PHYH: variants seen among roughly 807,000 people sequenced by gnomAD.
PHYH encodes the protein phytanoyl-CoA 2-hydroxylase.
PHYH carries 32 observed loss-of-function variants against 38.5 expected under a neutral mutation model. The ratio of observed to expected loss-of-function variants is 0.83; its 90% CI spans 0.63 to 1.12. The LOEUF (loss-of-function observed/expected upper bound fraction) is 1.12. Ranked by LOEUF, PHYH falls within the 50% of genes most tolerant of loss-of-function variation. The pLI, the probability that PHYH is intolerant of heterozygous loss-of-function variation, is 0.00. For synonymous variants in PHYH, 166 were observed against 157.9 expected, an observed-to-expected ratio of 1.05 and a Z score of -0.38; for missense variants, 426 against 434.8, an observed-to-expected ratio of 0.98 and a Z score of 0.18.
intron 8 of PHYH, among the ~76,000 whole-genome samples, chr10:13,280,668 G>A (rs532042502): frequency 2.5e-4 from 38 of 152,214 alleles, no homozygotes; most frequent in African/African-American, 8.7e-4. Flanking sequence ...TTTTGTCTTT[G>A]ATTTTCTCTC....
At chr10:13,297,380 T>C (rs1388544715) in intron 2 of PHYH, among the ~76,000 whole-genome samples, 1 of 152,214 alleles carries the variant, frequency 6.6e-6, no homozygotes, top group Admixed American at 6.5e-5. Context: ...GATCTTCCCC[T>C]TTAAAGGTGA....
intron 5 of PHYH, 91 bp from the exon 6 acceptor site, chr10:13,288,632 T>C: frequency 7.6e-7 from 1 of 1,313,988 alleles, no homozygotes; most frequent in East Asian, 2.3e-5. Context: ...TAAAAATATA[T>C]CCCAAAGTGG....
rs763836729 is a variant in PHYH at position 13,283,864 on chromosome 10, T to C, written c.679-25A>G. ...CCTAGAACAAGAGGCAAGTGAAGTC[T>C]ACATTTGAGGGAGTACCATAATTAA... On this transcript the variant is annotated intron_variant, in intron 6 of 8. Transcript: ENST00000263038. 16 of 1,602,348 alleles carry C rather than the reference T, an allele frequency of 1.0e-5. No homozygotes were observed. The South Asian group carries it at 1.5e-4, about 15-fold the overall frequency.
Position 13,280,978 on chromosome 10 carries a change from T to C in PHYH, c.961A>G (p.Lys321Glu), listed in dbSNP as rs769303089. Residue 321 changes from lysine to glutamate, a missense_variant and splice_region_variant, in exon 8 of 9, where the codon AAG becomes GAG. By Grantham distance (56) the Lys-to-Glu change is moderately conservative. Transcript: ENST00000263038. ...CTTGCTATTGTATACAAACATACCTTCAAGTTCACGCTATTTTCAGCTCCA... is the reference window on the plus strand; with the variant it reads ...CTTGCTATTGTATACAAACATACCTCCAAGTTCACGCTATTTTCAGCTCCA... ...FFGAENSVNL[K>E]DIWMFRARLV... is the part of the protein sequence containing the mutation. 6.2e-7 allele frequency: 1 copy of C among 1,614,022 alleles called. No homozygotes were observed. The highest frequency in any genetic ancestry group is 2.2e-5 in the East Asian group (1 of 44,884).
chr10:13,287,776 A>G (rs1835589905), intron 6 of PHYH, among the ~76,000 whole-genome samples: 1 of 152,178 alleles, frequency 6.6e-6, no homozygotes, highest in African/African-American at 2.4e-5. Context: ...CTTGGTGTCT[A>G]CCACACACAT....
chr10:13,295,179 A>G (rs1835812207), intron 3 of PHYH: 2 of 311,506 alleles, frequency 6.4e-6, no homozygotes, highest in South Asian at 7.3e-5. Flanking sequence ...GAAATAAAAA[A>G]TTAGCTGGGT....
rs568925787 is a variant in PHYH at position 13,278,255 on chromosome 10, G to A, written c.*46C>T. The A allele has an allele frequency of 4.5e-5, 57 of 1,273,162 alleles. No individual in the cohort carries two copies. In the South Asian group the frequency reaches 4.5e-4, roughly 10 times the overall value. 78.9% of individuals were successfully genotyped at this position (1,273,162 alleles called of 1,614,324 possible). On this transcript the variant is annotated 3_prime_UTR_variant, in exon 9 of 9. Coordinates refer to ENST00000263038, the MANE Select transcript of PHYH (RefSeq NM_006214.4). ...AGAAAACATTTTCCTTAGACATTTC[G>A]TTTGGTTTTGGTTTTCTGTTGAAAG...
chr10:13,281,896 C>T (rs1448167290), intron 7 of PHYH, among the ~76,000 whole-genome samples: 1 of 152,182 alleles, frequency 6.6e-6, no homozygotes, highest in Non-Finnish European at 1.5e-5. Context: ...AAAGGGAAAA[C>T]ACGCACCCCT....
At chr10:13,298,758 A>ACTACTACTACTACTG (rs1832648041) in intron 1 of PHYH, among the ~76,000 whole-genome samples, 1 of 97,858 alleles carries the variant, frequency 1.0e-5, no homozygotes, top group Non-Finnish European at 2.2e-5. Flanking sequence ...TACTACTACT[A>ACTACTACTACTACTG]CTACTGCTAC....
intron 4 of PHYH, among the ~76,000 whole-genome samples, chr10:13,293,655 A>G (rs1835767310): frequency 6.6e-6 from 1 of 151,878 alleles, no homozygotes; most frequent in East Asian, 1.9e-4. Flanking sequence ...CAATATAGAC[A>G]ATGGTCTCAC....
chr10:13,298,581 A>G (rs1468265539), intron 1 of PHYH, among the ~76,000 whole-genome samples: 1 of 151,966 alleles, frequency 6.6e-6, no homozygotes, highest in Non-Finnish European at 1.5e-5. Context: ...TTCATTTGTA[A>G]TCCCAGCTAC....
chr10:13,283,243 C>T (rs1835459742), intron 7 of PHYH, among the ~76,000 whole-genome samples: 1 of 150,114 alleles, frequency 6.7e-6, no homozygotes, highest in African/African-American at 2.5e-5. Flanking sequence ...CATTCTCCTG[C>T]CTCAGCCTCC....
rs938670021 is a variant in PHYH at position 13,278,372 on chromosome 10, C to G, written c.964-18G>C. On this transcript the variant is annotated intron_variant, in intron 8 of 8. Coordinates refer to ENST00000263038, the MANE Select transcript of PHYH (RefSeq NM_006214.4). ...CAAATATCCTGGAAATAATATCAAACAGAGTGGGTTTATGGAACACTTCAA... is the reference window on the plus strand; with the variant it reads ...CAAATATCCTGGAAATAATATCAAAGAGAGTGGGTTTATGGAACACTTCAA... 6.9e-6 allele frequency: 11 copies of G among 1,596,500 alleles called. No homozygotes were observed. The highest frequency in any genetic ancestry group is 1.3e-5 in the African/African-American group (1 of 74,566).
At chr10:13,299,845 A>G (rs1832701968) in intron 1 of PHYH, 123 bp downstream of exon 1, 1 of 1,330,554 alleles carries the variant, frequency 7.5e-7, no homozygotes, top group Non-Finnish European at 9.6e-7. Flanking sequence ...CGCGGCGCTG[A>G]GCGAGGAGGC....
Position 13,278,048 on chromosome 10 carries a change from C to T in PHYH, c.*253G>A, listed in dbSNP as rs550905616. 1.3e-5 allele frequency: 6 copies of T among 470,310 alleles called. No individual in the cohort carries two copies. The Admixed American group carries it at 1.4e-4, about 11-fold the overall frequency. The allele number at this position is 470,310 out of a possible 1,614,324, so 29.1% of individuals were successfully genotyped here. A position where few individuals can be genotyped will look rare whatever the true frequency, so the allele number is the denominator to read the frequency against. On this transcript the variant is annotated 3_prime_UTR_variant, in exon 9 of 9. Coordinates refer to ENST00000263038, the MANE Select transcript of PHYH (RefSeq NM_006214.4). ...ATTTAACACTTAAATTAGACACCAA[C>T]CACCTTTATTGGCTGCCACCCTAAA...
chr10:13,298,306 C>T (rs1564430417), intron 1 of PHYH, 61 bp from the exon 2 acceptor site: 7 of 1,010,720 alleles, frequency 6.9e-6, no homozygotes, highest in Middle Eastern at 2.2e-4. Flanking sequence ...GTGGCTCATG[C>T]CTGTAATTCC....
At chr10:13,297,755 C>A (rs1266817352) in intron 2 of PHYH, among the ~76,000 whole-genome samples, 4 of 151,018 alleles carry the variant, frequency 2.6e-5, no homozygotes, top group Non-Finnish European at 4.4e-5. Flanking sequence ...AGCCACGGTG[C>A]CCGGCCACAA....
chr10:13,297,515 G>A (rs569942638), intron 2 of PHYH, among the ~76,000 whole-genome samples: 89 of 152,188 alleles, frequency 5.8e-4, no homozygotes, highest in African/African-American at 2.0e-3. Flanking sequence ...GTTCAGTGGC[G>A]TGATCTCAGC....
Position 13,281,206 on chromosome 10 carries a change from C to T in PHYH, c.829-96G>A, listed in dbSNP as rs1588506122. ...TTCTTTTAGAAAGTCATTTATTTCA[C>T]TCAGTATTTGATTTCTAAGTGGAAA... On this transcript the variant is annotated intron_variant, in intron 7 of 8. Coordinates refer to ENST00000263038, the MANE Select transcript of PHYH (RefSeq NM_006214.4). 12 of 1,270,372 alleles carry T rather than the reference C, an allele frequency of 9.4e-6. No individual in the cohort carries two copies. The South Asian group carries it at 1.1e-4, about 12-fold the overall frequency. 78.7% of individuals were successfully genotyped at this position (1,270,372 alleles called of 1,614,324 possible).
Sources: allele counts gnomAD v4.1 joint callset (sites outside exome capture counted in the v4.1 genomes callset), GRCh38; gene constraint gnomAD v4.1.1; transcripts MANE v1.5; gene names NCBI Gene and HGNC (gene_info 2026-07-23, HGNC 2026-07-21).